Variants in APLN observed in about 807,000 individuals in gnomAD.
APLN encodes the protein AGTRL1 ligand.
In APLN, 2 loss-of-function variants were observed where a neutral mutation model predicts 4.3. The observed-to-expected ratio is 0.46, with a 90% CI of 0.19 to 1.45. The LOEUF is 1.45. APLN is among the 40% of genes most tolerant of loss of function. APLN has a pLI of 0.25. For synonymous variants in APLN, 34 were observed against 30.4 expected (o/e 1.12, Z -0.38); for missense variants, 80 against 70.0 (o/e 1.14, Z -0.51).
chrX:129,653,880 G>T (rs1454212601), intron 1 of APLN, among the ~76,000 whole-genome samples: 1 of 111,539 alleles, frequency 9.0e-6, no homozygotes, highest in Non-Finnish European at 1.9e-5. Flanking sequence ...TATGGGGAGG[G>T]CATCCTGTGC....
chrX:129,648,036 C>G, intron 2 of APLN, 119 bp from the exon 3 acceptor site: 1 of 893,444 alleles, frequency 1.1e-6, no homozygotes, highest in Non-Finnish European at 1.4e-6. Flanking sequence ...CCACTCAGCC[C>G]AAACCTCAAT....
intron 1 of APLN, 24 bp downstream of exon 1, chrX:129,654,540 G>A (rs1323600014): frequency 3.5e-6 from 4 of 1,145,036 alleles, no homozygotes; most frequent in South Asian, 2.0e-5. Flanking sequence ...TGCAGCCCGG[G>A]CGAGCGGGAG....
At chrX:129,648,533 G>A in intron 2 of APLN, 88 bp downstream of exon 2, 2 of 1,048,789 alleles carry the variant, frequency 1.9e-6, no homozygotes, top group African/African-American at 1.9e-5. Context: ...GATGTGTCTG[G>A]CCAGTGATGA....
intron 1 of APLN, among the ~76,000 whole-genome samples, chrX:129,651,714 G>A (rs1944044416): frequency 8.9e-6 from 1 of 112,333 alleles, no homozygotes; most frequent in Admixed American, 9.4e-5. Flanking sequence ...AATGCACAAA[G>A]AGGTACTTGC....
In APLN at chrX:129,647,905, G is replaced by A; in HGVS notation, c.*18C>T. 2 of 982,827 alleles carry A rather than the reference G, an allele frequency of 2.0e-6. No individual in the cohort carries two copies. Among genetic ancestry groups the A allele is most frequent in the Middle Eastern group, 3.0e-4 (1 of 3,338 alleles). 81.0% of individuals were successfully genotyped at this position (982,827 alleles called of 1,213,427 possible). A position where few individuals can be genotyped will look rare whatever the true frequency, so the allele number is the denominator to read the frequency against. On this transcript the variant is annotated 3_prime_UTR_variant, in exon 3 of 3. Transcript: ENST00000429967. Reference sequence around the variant, plus strand: ...TAACCGCCGGGGGTGGGCACTTGGGGGCCCCTTCAGTCCTAAGGAGACAAA... The same window carrying A: ...TAACCGCCGGGGGTGGGCACTTGGGAGCCCCTTCAGTCCTAAGGAGACAAA...
chrX:129,652,255 T>C, intron 1 of APLN, among the ~76,000 whole-genome samples: 1 of 111,342 alleles, frequency 9.0e-6, no homozygotes, highest in East Asian at 2.8e-4. Context: ...GCAAAGTGTA[T>C]CCCAGGTCAG....
chrX:129,654,799 G>A lies in APLN; in HGVS notation c.-169C>T. On this transcript the variant is annotated 5_prime_UTR_variant, in exon 1 of 3. Coordinates refer to ENST00000429967, the MANE Select transcript of APLN (RefSeq NM_017413.5). ...CTGAGCCCCGCCGCTCCCGCTGGCC[G>A]CCTCCGCTCTTCTGCAGCCTCCTCT... 1 of 236,345 alleles carries A rather than the reference G, an allele frequency of 4.2e-6. No individual in the cohort carries two copies. The highest frequency in any genetic ancestry group is 7.3e-6 in the Non-Finnish European group (1 of 136,708). The allele number at this position is 236,345 out of a possible 1,213,427, so 19.5% of individuals were successfully genotyped here.
intron 1 of APLN, among the ~76,000 whole-genome samples, chrX:129,653,967 G>C (rs1936993002): frequency 1.8e-5 from 2 of 112,007 alleles, no homozygotes; most frequent in East Asian, 2.9e-4. Context: ...GGCCCTGCCT[G>C]GGGGAGGCTG....
intron 1 of APLN, among the ~76,000 whole-genome samples, chrX:129,650,077 G>C (rs1936969623): frequency 9.0e-6 from 1 of 110,826 alleles, no homozygotes; most frequent in South Asian, 3.9e-4. Context: ...TCTGAGGCCA[G>C]AGATAATGAA....
chrX:129,649,289 C>T (rs2124449956), intron 1 of APLN, among the ~76,000 whole-genome samples: 1 of 112,351 alleles, frequency 8.9e-6, no homozygotes, highest in Admixed American at 9.4e-5. Context: ...TTCTATTTTC[C>T]TTGACTGCAG....
rs767301637 is a variant in APLN at position 129,645,454 on chromosome X, C to A, written c.*2469G>T. On this transcript the variant is annotated 3_prime_UTR_variant, in exon 3 of 3. Transcript: ENST00000429967. Reference sequence around the variant, plus strand: ...AAAGTAGATAAAATAGCAGAAGACACCCACCAAGGATACAAAACAATTTTT... The same window carrying A: ...AAAGTAGATAAAATAGCAGAAGACAACCACCAAGGATACAAAACAATTTTT... 1.9e-4 allele frequency: 21 copies of A among 112,260 alleles called. No individual in the cohort carries two copies. Among genetic ancestry groups the A allele is most frequent in the Non-Finnish European group, 3.6e-4 (19 of 53,276 alleles). The allele number at this position is 112,260 out of a possible 1,213,427, so 9.3% of individuals were successfully genotyped here.
Position 129,651,341 on chromosome X carries a change from C to G in APLN, c.68-2549G>C, listed in dbSNP as rs556121944. On this transcript the variant is annotated intron_variant, in intron 1 of 2. Coordinates refer to ENST00000429967, the MANE Select transcript of APLN (RefSeq NM_017413.5). ...GAGCCCGTCACCCACCTGTTTCCTA[C>G]TTTTGATTCTGAGTCTGGCTCACCA... Among the ~76,000 whole-genome samples the G allele has an allele frequency of 7.5e-4, 83 of 110,843 alleles. 1 individual carries two copies. The highest frequency in any genetic ancestry group is 2.6e-3 in the African/African-American group (79 of 30,370).
At chrX:129,654,440 C>T in intron 1 of APLN, 124 bp downstream of exon 1, 1 of 560,081 alleles carries the variant, frequency 1.8e-6, no homozygotes, top group Non-Finnish European at 2.5e-6. Flanking sequence ...TGGCGCTGGC[C>T]GGCGCGTGGC....
intron 2 of APLN, 36 bp from the exon 3 acceptor site, chrX:129,647,953 A>G: frequency 5.1e-6 from 5 of 979,221 alleles, no homozygotes; most frequent in Non-Finnish European, 6.6e-6. Context: ...GAAGTCATGG[A>G]CATATCCTAG....
intron 1 of APLN, among the ~76,000 whole-genome samples, chrX:129,649,103 T>C (rs1936961664): frequency 9.0e-6 from 1 of 110,862 alleles, no homozygotes; most frequent in Admixed American, 9.6e-5. Context: ...CTTTGGGTTG[T>C]CACGCCTGTA....
At chrX:129,649,867 C>G (rs1763124673) in intron 1 of APLN, among the ~76,000 whole-genome samples, 1 of 111,373 alleles carries the variant, frequency 9.0e-6, no homozygotes, top group Non-Finnish European at 1.9e-5. Context: ...TGCAGGGTAT[C>G]CTTGGGTGCA....
chrX:129,651,679 A>C (rs375044047), intron 1 of APLN, among the ~76,000 whole-genome samples: 1 of 112,068 alleles, frequency 8.9e-6, no homozygotes, highest in Non-Finnish European at 1.9e-5. Context: ...TTTGACTTTC[A>C]TGCTATCTGA....
At chrX:129,652,501 T>C (rs1168228840) in intron 1 of APLN, among the ~76,000 whole-genome samples, 1 of 111,872 alleles carries the variant, frequency 8.9e-6, no homozygotes, top group Non-Finnish European at 1.9e-5. Flanking sequence ...GAGCAGGACA[T>C]GTGTACCTGG....
At chrX:129,652,560 G>GGAGAAGTCAGGGAGTA (rs1936985276) in intron 1 of APLN, among the ~76,000 whole-genome samples, 1 of 112,525 alleles carries the variant, frequency 8.9e-6, no homozygotes, top group Non-Finnish European at 1.9e-5. Flanking sequence ...CTTGGCTCCA[G>GGAGAAGTCAGGGAGTA]GAGAAGTCAG....
Sources: allele counts gnomAD v4.1 joint callset (sites outside exome capture counted in the v4.1 genomes callset), GRCh38; gene constraint gnomAD v4.1.1; transcripts MANE v1.5; gene names NCBI Gene and HGNC (gene_info 2026-07-23, HGNC 2026-07-21).